The following GDAP1L1 variants were observed in gnomAD, a reference collection of about 807,000 sequenced individuals.
GDAP1L1 encodes ganglioside induced differentiation associated protein 1 like 1, also known as ganglioside-induced differentiation-associated protein 1-like 1.
A neutral mutation model predicts 37.1 loss-of-function variants in GDAP1L1; 21 were observed. That is an observed-to-expected ratio of 0.57 (90% CI 0.40 to 0.81). The LOEUF (loss-of-function observed/expected upper bound fraction) is 0.81, where lower values mean the gene tolerates loss of function less well. Among genes scored for constraint, GDAP1L1 ranks in the 40% least tolerant of loss-of-function variants. The probability of loss-of-function intolerance (pLI) is 0.00; values close to 1 mark genes in which losing one functional copy is unlikely to be tolerated. For synonymous variants in GDAP1L1, 193 were observed against 209.1 expected (o/e 0.92, Z 0.67); for missense variants, 362 against 491.6 (o/e 0.74, Z 2.49).
rs1330484699 is a variant in GDAP1L1, at chr20:44,258,139, T to C, written c.374-295T>C. 13 of 717,202 alleles carry C rather than the reference T, an allele frequency of 1.8e-5. No homozygotes were observed. In the Admixed American group the frequency reaches 2.2e-4, roughly 12 times the overall value. The allele number at this position is 717,202 out of a possible 1,614,324, so 44.4% of individuals were successfully genotyped here. On this transcript the variant is annotated intron_variant, in intron 2 of 5. Transcript: ENST00000342560. ...TTTAAAAGTCAAGGGGACCCAAGCA[T>C]TGAGCACCCAGGTTGCAGCTTCTCT...
At chr20:44,269,105 T>C (rs144548155) in intron 5 of GDAP1L1, among the ~76,000 whole-genome samples, 2 of 152,322 alleles carry the variant, frequency 1.3e-5, no homozygotes, top group East Asian at 3.9e-4. Context: ...ACAGTAAATG[T>C]TGATTACTTT....
chr20:44,258,500 A>AGCT lies in GDAP1L1; in HGVS notation c.445_447dup (p.Leu149dup). The AGCT allele has an allele frequency of 6.4e-7, 1 of 1,563,334 alleles. No individual in the cohort carries two copies. The highest frequency in any genetic ancestry group is 1.4e-5 in the African/African-American group (1 of 73,568). ...CACGCACGGGTGCTGCAGTACCGGGAGCTGCTGGACGCACTGCCCATGGAT... is the reference window on the plus strand; with the variant it reads ...CACGCACGGGTGCTGCAGTACCGGGAGCTGCTGCTGGACGCACTGCCCATGGAT... On this transcript the variant is annotated inframe_insertion, in exon 3 of 6. Coordinates refer to ENST00000342560, the MANE Select transcript of GDAP1L1 (RefSeq NM_024034.6).
chr20:44,268,797 G>T (rs1321412269), intron 5 of GDAP1L1, among the ~76,000 whole-genome samples: 2 of 152,196 alleles, frequency 1.3e-5, no homozygotes, highest in Non-Finnish European at 2.9e-5. Flanking sequence ...TGGTGGGAAT[G>T]AGGGGAGAGC....
intron 2 of GDAP1L1, 62 bp downstream of exon 2, chr20:44,257,407 G>T: frequency 6.8e-7 from 1 of 1,461,086 alleles, no homozygotes; most frequent in Admixed American, 1.9e-5. Flanking sequence ...GGTCCCCACA[G>T]GCTCAGACGG....
At chr20:44,259,147 T>G (rs767577517) in intron 3 of GDAP1L1, among the ~76,000 whole-genome samples, 1 of 152,208 alleles carries the variant, frequency 6.6e-6, no homozygotes, top group Non-Finnish European at 1.5e-5. Context: ...GGTCTCAGAT[T>G]GAAGGTTACC....
chr20:44,261,798 C>T (rs964707931), intron 3 of GDAP1L1, among the ~76,000 whole-genome samples: 5 of 152,152 alleles, frequency 3.3e-5, no homozygotes, highest in African/African-American at 4.8e-5. Flanking sequence ...AGACATTGAG[C>T]GGGCAGACCT....
chr20:44,257,107 C>T (rs1014214309), intron 1 of GDAP1L1, 46 bp from the exon 2 acceptor site: 11 of 1,508,602 alleles, frequency 7.3e-6, no homozygotes, highest in Middle Eastern at 1.9e-4. Context: ...GGCAGAGTGT[C>T]CCCTGTGTCC....
At chr20:44,260,261 T>A in intron 3 of GDAP1L1, among the ~76,000 whole-genome samples, 1 of 148,458 alleles carries the variant, frequency 6.7e-6, no homozygotes, top group Non-Finnish European at 1.5e-5. Flanking sequence ...TAAGATATAT[T>A]AGTGAGTAGA....
At chr20:44,272,118 G>A (rs1298770663) in intron 5 of GDAP1L1, among the ~76,000 whole-genome samples, 2 of 152,218 alleles carry the variant, frequency 1.3e-5, no homozygotes, top group South Asian at 2.1e-4. Context: ...TGAGCCCCGG[G>A]GGGTGGAGCC....
At chr20:44,275,704 G>A (rs1172029729) in intron 5 of GDAP1L1, among the ~76,000 whole-genome samples, 1 of 152,208 alleles carries the variant, frequency 6.6e-6, no homozygotes, top group East Asian at 1.9e-4. Context: ...GGACATTAAG[G>A]TGTAGTCAGT....
At chr20:44,250,449 C>G (rs1329969018) in intron 1 of GDAP1L1, among the ~76,000 whole-genome samples, 1 of 152,224 alleles carries the variant, frequency 6.6e-6, no homozygotes, top group African/African-American at 2.4e-5. Flanking sequence ...ATAGAAAGTG[C>G]TCAGTTAAGT....
At chr20:44,258,325 G>T (rs2073603100) in intron 2 of GDAP1L1, 109 bp from the exon 3 acceptor site, 1 of 1,080,866 alleles carries the variant, frequency 9.3e-7, no homozygotes, top group Non-Finnish European at 1.4e-6. Flanking sequence ...GCATGGGGGT[G>T]CCCAGGGCCT....
At chr20:44,277,895 T>G (rs1026412421) in intron 5 of GDAP1L1, among the ~76,000 whole-genome samples, 13 of 152,162 alleles carry the variant, frequency 8.5e-5, no homozygotes, top group African/African-American at 3.1e-4. Context: ...GGCTTATGCC[T>G]GTAATCCCAG....
chr20:44,269,710 T>C (rs766493277), intron 5 of GDAP1L1, among the ~76,000 whole-genome samples: 2 of 152,134 alleles, frequency 1.3e-5, no homozygotes, highest in Non-Finnish European at 2.9e-5. Context: ...GACAGGTGAA[T>C]CACGAGGTCA....
rs1160195923 is a variant in GDAP1L1, at chr20:44,279,839, C to T, written c.*539C>T. 4.3e-6 allele frequency: 2 copies of T among 467,870 alleles called. No homozygotes were observed. Among genetic ancestry groups the T allele is most frequent in the Non-Finnish European group, 8.9e-6 (2 of 225,818 alleles). The allele number at this position is 467,870 out of a possible 1,614,324, so 29.0% of individuals were successfully genotyped here. A position where few individuals can be genotyped will look rare whatever the true frequency, so the allele number is the denominator to read the frequency against. On this transcript the variant is annotated 3_prime_UTR_variant, in exon 6 of 6. Coordinates refer to ENST00000342560, the MANE Select transcript of GDAP1L1 (RefSeq NM_024034.6). ...TCCCTGAAGATCAGAAGGGGCTTCA[C>T]GCTTCTCCTGGACATGGACTAGCTT...
intron 5 of GDAP1L1, among the ~76,000 whole-genome samples, chr20:44,266,320 CA>C (rs34665372): frequency 0.093 from 12,737 of 137,494 alleles, 938 homozygotes; most frequent in East Asian, 0.31. Context: ...GCCCCCCAAC[CA>C]AAAAAAAAAA....
At chr20:44,273,753 C>T (rs184178985) in intron 5 of GDAP1L1, among the ~76,000 whole-genome samples, 78 of 152,286 alleles carry the variant, frequency 5.1e-4, no homozygotes, top group Middle Eastern at 3.4e-3. Flanking sequence ...CTAGATGACT[C>T]CTTTATGCCT....
chr20:44,264,803 G>T, intron 5 of GDAP1L1: 1 of 1,149,324 alleles, frequency 8.7e-7, no homozygotes, highest in Non-Finnish European at 1.1e-6. Context: ...ATAATAGTAG[G>T]ACCTGCCTCA....
At chr20:44,254,440 G>A (rs2073502190) in intron 1 of GDAP1L1, among the ~76,000 whole-genome samples, 1 of 152,216 alleles carries the variant, frequency 6.6e-6, no homozygotes, top group Non-Finnish European at 1.5e-5. Flanking sequence ...CTCTCAGACA[G>A]AACGAGAAGC....
Sources: gnomAD v4.1 joint callset for allele counts (sites outside exome capture counted in the v4.1 genomes callset) on GRCh38, gnomAD v4.1.1 for gene constraint, MANE v1.5 for transcripts, NCBI Gene and HGNC (gene_info 2026-07-23, HGNC 2026-07-21) for gene names.